Variants in HESX1 observed in about 807,000 individuals in gnomAD.
HESX1 encodes the protein homeobox expressed in ES cells 1.
Under a neutral mutation model 22.5 loss-of-function variants are expected in HESX1, and 11 were observed. The observed-to-expected ratio is 0.49, with a 90% CI of 0.31 to 0.81. The LOEUF (loss-of-function observed/expected upper bound fraction) is 0.81. Ranked by LOEUF, HESX1 falls within the 30% of genes least tolerant of loss-of-function variation. HESX1 has a pLI of 0.05. For synonymous variants in HESX1, 74 were observed against 76.5 expected (o/e 0.97, Z 0.17); for missense variants, 201 against 212.6 (o/e 0.95, Z 0.34).
At position 57,199,776 on chromosome 3, in the gene HESX1, G is replaced by A. The variant is rs776953961; in HGVS notation, c.143C>T (p.Thr48Ile). The A allele has an allele frequency of 6.2e-7, 1 of 1,614,110 alleles. No homozygotes were observed. Among genetic ancestry groups the A allele is most frequent in the Admixed American group, 1.7e-5 (1 of 60,014 alleles). The change falls in exon 1 of 4, where the codon ACC becomes ATC. Residue 48 changes from threonine (T) to isoleucine (I), a missense_variant. Physicochemically the swap from Thr to Ile is moderately conservative, Grantham distance 89 (BLOSUM62 -1). Transcript: ENST00000295934. ...LMKPHRPWADTCSSSGKDGNL... is the reference protein window; with the variant it reads ...LMKPHRPWADICSSSGKDGNL... ...CTGTGGCATACCTGATGAGCTGCAG[G>A]TGTCTGCCCAGGGCCTGTGGGGTTT... is the stretch of plus-strand genomic sequence containing the variant.
intron 1 of HESX1, among the ~76,000 whole-genome samples, chr3:57,216,434 G>T (rs2060583112): frequency 6.6e-6 from 1 of 152,024 alleles, no homozygotes; most frequent in African/African-American, 2.4e-5. Flanking sequence ...TGGTAAGGGA[G>T]ACCTCATCTC....
Position 57,198,225 on chromosome 3 carries a change from T to A in HESX1, c.530A>T (p.Lys177Ile), listed in dbSNP as rs747357413. The change falls in exon 4 of 4, where the codon AAA (lysine) becomes ATA (isoleucine). Residue 177 changes from lysine (K) to isoleucine (I), a missense_variant. By Grantham distance (102) the Lys-to-Ile change is moderately radical. Transcript: ENST00000295934. ...TTCCAGCAGATTTGTGTTGAAATTT[T>A]TTTTCGCCATTAGAAACTGTGATTC... Reference protein sequence around the residue: ...HRESQFLMAKKNFNTNLLE With the variant: ...HRESQFLMAKINFNTNLLE The A allele has an allele frequency of 4.3e-6, 7 of 1,612,472 alleles. No homozygotes were observed. The African/African-American group carries it at 8.0e-5, about 18-fold the overall frequency.
At chr3:57,201,482 T>C (rs2060485875), upstream of HESX1, among the ~76,000 whole-genome samples, 1 of 151,940 alleles carries the variant, frequency 6.6e-6, no homozygotes, top group African/African-American at 2.4e-5. Context: ...CCTTCCACAA[T>C]TGGTTGAGCA....
chr3:57,203,275 G>T (rs2060500359), upstream of HESX1, among the ~76,000 whole-genome samples: 1 of 152,122 alleles, frequency 6.6e-6, no homozygotes, highest in Admixed American at 6.5e-5. Context: ...GGATACAGTG[G>T]TGAAAACAAA....
intron 1 of HESX1, among the ~76,000 whole-genome samples, chr3:57,221,585 G>A (rs1398124905): frequency 6.6e-6 from 1 of 152,078 alleles, no homozygotes; most frequent in East Asian, 1.9e-4. Flanking sequence ...CCTTGTAGCT[G>A]TAATATGCTA....
chr3:57,205,559 A>G (rs1034579891), intron 1 of HESX1, among the ~76,000 whole-genome samples: 3 of 151,578 alleles, frequency 2.0e-5, no homozygotes, highest in African/African-American at 4.9e-5. Flanking sequence ...GCCACACTGG[A>G]CTCTTCCTGA....
intron 1 of HESX1, among the ~76,000 whole-genome samples, chr3:57,212,571 A>AAAAAAAT (rs2060561702): frequency 6.6e-6 from 1 of 151,772 alleles, no homozygotes; most frequent in Non-Finnish European, 1.5e-5. Context: ...AAAAAAAAAA[A>AAAAAAAT]AAAGATTCAT....
At chr3:57,199,093 A>C (rs2060467228) in intron 1 of HESX1, 141 bp from the exon 2 acceptor site, 1 of 728,328 alleles carries the variant, frequency 1.4e-6, no homozygotes, top group Non-Finnish European at 2.3e-6. Context: ...CGTTAACCAA[A>C]AACCAATAAA....
At position 57,198,874 on chromosome 3, in the gene HESX1, A is replaced by G; in HGVS notation, c.236T>C (p.Met79Thr). 6.2e-7 allele frequency: 1 copy of G among 1,614,114 alleles called. No homozygotes were observed. Among genetic ancestry groups the G allele is most frequent in the Non-Finnish European group, 8.5e-7 (1 of 1,180,018 alleles). Residue 79 changes from methionine (M) to threonine (T), a missense_variant, in exon 2 of 4, where the codon ATG becomes ACG. Met to Thr is a moderately conservative substitution (Grantham distance 81). Transcript: ENST00000295934. ...ISFPSVVDHP[M>T]PEERASKYEN... ...ATATTTCGAAGCTCTTTCTTCTGGC[A>G]TTGGGTGATCCACCACGCTAGGGAA...
chr3:57,209,666 C>T (rs2060541230), intron 1 of HESX1, among the ~76,000 whole-genome samples: 2 of 105,576 alleles, frequency 1.9e-5, no homozygotes, highest in African/African-American at 3.6e-5. Flanking sequence ...AGTAAAGCTC[C>T]ATCTCAAAAA....
chr3:57,217,904 GCT>G (rs2060591802), intron 1 of HESX1, among the ~76,000 whole-genome samples: 1 of 151,952 alleles, frequency 6.6e-6, no homozygotes, highest in Admixed American at 6.6e-5. Context: ...ATCTTCACAG[GCT>G]CTGAAACCTC....
In HESX1 at chr3:57,198,130, C is replaced by G; in HGVS notation, c.*67G>C. 1.0e-6 allele frequency: 1 copy of G among 999,216 alleles called. No homozygotes were observed. Among genetic ancestry groups the G allele is most frequent in the Non-Finnish European group, 1.6e-6 (1 of 630,028 alleles). 61.9% of individuals were successfully genotyped at this position (999,216 alleles called of 1,614,324 possible). ...GGAAAGAAAACATCACATTTTAACA[C>G]TTAATATTTCCACTGATTCTTCATG... On this transcript the variant is annotated 3_prime_UTR_variant, in exon 4 of 4. Coordinates refer to ENST00000295934, the MANE Select transcript of HESX1 (RefSeq NM_003865.3).
upstream of HESX1, chr3:57,200,111 AGGAG>A: frequency 1.7e-6 from 1 of 597,128 alleles, no homozygotes; most frequent in Non-Finnish European, 3.0e-6. Context: ...CAGCAGCTTA[AGGAG>A]TTAATTGTTT....
At chr3:57,224,706 A>C (rs2060632972) in intron 1 of HESX1, among the ~76,000 whole-genome samples, 1 of 152,238 alleles carries the variant, frequency 6.6e-6, no homozygotes, top group Admixed American at 6.5e-5. Flanking sequence ...TTAAAAGTAA[A>C]GCACCAGCAT....
intron 3 of HESX1, 46 bp downstream of exon 3, chr3:57,198,345 T>C: frequency 6.5e-7 from 1 of 1,549,046 alleles, no homozygotes; most frequent in Non-Finnish European, 8.9e-7. Context: ...ATTTTATTAT[T>C]CTTAACATTT....
intron 3 of HESX1, 28 bp downstream of exon 3, chr3:57,198,362 CA>C (rs763758902): frequency 1.0e-5 from 16 of 1,543,060 alleles, no homozygotes; most frequent in Non-Finnish European, 1.4e-5. Context: ...ATTTCAACAT[CA>C]TGAATAACAA....
Position 57,198,115 on chromosome 3 carries a change from C to A in HESX1, c.*82G>T, listed in dbSNP as rs2060458449. The A allele has an allele frequency of 2.3e-6, 2 of 881,240 alleles. No homozygotes were observed. Among genetic ancestry groups the A allele is most frequent in the Non-Finnish European group, 3.7e-6 (2 of 533,560 alleles). 54.6% of individuals were successfully genotyped at this position (881,240 alleles called of 1,614,324 possible). ...TTCAGATTAAATGCAGGAAAGAAAA[C>A]ATCACATTTTAACACTTAATATTTC... On this transcript the variant is annotated 3_prime_UTR_variant, in exon 4 of 4. Coordinates refer to ENST00000295934, the MANE Select transcript of HESX1 (RefSeq NM_003865.3).
intron 1 of HESX1, among the ~76,000 whole-genome samples, chr3:57,223,385 A>C (rs767559095): frequency 1.3e-5 from 2 of 152,154 alleles, no homozygotes; most frequent in African/African-American, 2.4e-5. Flanking sequence ...TTTTCCTAGA[A>C]GTTTTTTTTT....
Position 57,198,149 on chromosome 3 carries a change from CT to C in HESX1, c.*47del. 1 of 1,139,506 alleles carries C rather than the reference CT, an allele frequency of 8.8e-7. No homozygotes were observed. Among genetic ancestry groups the C allele is most frequent in the Non-Finnish European group, 1.3e-6 (1 of 750,628 alleles). 70.6% of individuals were successfully genotyped at this position (1,139,506 alleles called of 1,614,324 possible). ...TTAACACTTAATATTTCCACTGATT[CT>C]TCATGCTCTGCAATTAGAAGATAAT... is the stretch of plus-strand genomic sequence containing the variant. On this transcript the variant is annotated 3_prime_UTR_variant, in exon 4 of 4. Coordinates refer to ENST00000295934, the MANE Select transcript of HESX1 (RefSeq NM_003865.3).
Sources: allele counts gnomAD v4.1 joint callset (sites outside exome capture counted in the v4.1 genomes callset), GRCh38; gene constraint gnomAD v4.1.1; transcripts MANE v1.5; gene names NCBI Gene and HGNC (gene_info 2026-07-23, HGNC 2026-07-21).